GSG1L: variants seen among roughly 807,000 people sequenced by gnomAD.
GSG1L encodes germ cell-specific gene 1-like protein.
A neutral mutation model predicts 42.1 loss-of-function variants in GSG1L; 24 were observed. The observed-to-expected ratio is 0.57, with a 90% CI of 0.41 to 0.80. The LOEUF (loss-of-function observed/expected upper bound fraction) is 0.80, where lower values mean the gene tolerates loss of function less well. GSG1L is among the 30% of genes least tolerant of loss of function. The pLI is 0.00. For synonymous variants in GSG1L, 215 were observed against 203.5 expected (o/e 1.06, Z -0.48); for missense variants, 445 against 472.2 (o/e 0.94, Z 0.53).
chr16:27,919,758 G>A lies in GSG1L; in HGVS notation c.398-35120C>T, dbSNP rs149754055. Among the ~76,000 whole-genome samples, 91 of 152,302 alleles carry A rather than the reference G, an allele frequency of 6.0e-4. 1 individual carries two copies. In the East Asian group the frequency reaches 0.017, roughly 29 times the overall value. On this transcript the variant is annotated intron_variant, in intron 2 of 6. Transcript: ENST00000447459. ...TGGAGAAATTACATTACAGGAGGGGGAGTCGGCTCAACATTACACCCTAGT... is the reference window on the plus strand; with the variant it reads ...TGGAGAAATTACATTACAGGAGGGGAAGTCGGCTCAACATTACACCCTAGT...
intron 3 of GSG1L, among the ~76,000 whole-genome samples, chr16:27,856,251 T>C (rs938627864): frequency 5.3e-5 from 8 of 152,152 alleles, no homozygotes; most frequent in African/African-American, 1.9e-4. Context: ...GCAGGGACAG[T>C]GGGGGACAAA....
intron 1 of GSG1L, among the ~76,000 whole-genome samples, chr16:27,980,754 T>G (rs2085316030): frequency 6.6e-6 from 1 of 151,986 alleles, no homozygotes; most frequent in Non-Finnish European, 1.5e-5. Context: ...CGATGGCACA[T>G]GCCTGTAATT....
intron 1 of GSG1L, among the ~76,000 whole-genome samples, chr16:28,034,251 TCCCATCCCATCCCATC>T (rs2086005567): frequency 9.9e-6 from 1 of 101,478 alleles, no homozygotes; most frequent in East Asian, 3.3e-4. Flanking sequence ...TCCCATCCCA[TCCCATCCCATCCCATC>T]CCATCCCATT....
intron 3 of GSG1L, among the ~76,000 whole-genome samples, chr16:27,878,041 A>T (rs1426519073): frequency 6.6e-6 from 1 of 152,018 alleles, no homozygotes; most frequent in Admixed American, 6.5e-5. Flanking sequence ...GCCAGCGCAT[A>T]GTAGCATCTG....
At chr16:27,827,808 A>G (rs892828240) in intron 5 of GSG1L, among the ~76,000 whole-genome samples, 1 of 151,838 alleles carries the variant, frequency 6.6e-6, no homozygotes, top group Admixed American at 6.6e-5. Context: ...TTACTTATCA[A>G]TCCATTCATC....
intron 1 of GSG1L, among the ~76,000 whole-genome samples, chr16:27,991,585 A>G (rs1295721621): frequency 6.6e-6 from 1 of 151,178 alleles, no homozygotes; most frequent in African/African-American, 2.4e-5. Context: ...TTGTATTTTT[A>G]GTAGACACGA....
chr16:27,928,972 A>AGGGAAAGCAGG (rs2084627399), intron 2 of GSG1L, among the ~76,000 whole-genome samples: 1 of 152,258 alleles, frequency 6.6e-6, no homozygotes, highest in Non-Finnish European at 1.5e-5. Flanking sequence ...CTGGGAAAGC[A>AGGGAAAGCAGG]GTGGTTCTCA....
At chr16:27,815,746 G>A (rs1365144052) in intron 5 of GSG1L, among the ~76,000 whole-genome samples, 2 of 152,090 alleles carry the variant, frequency 1.3e-5, no homozygotes, top group Admixed American at 6.6e-5. Flanking sequence ...GTTATTATAA[G>A]GATTAAACTA....
intron 5 of GSG1L, among the ~76,000 whole-genome samples, chr16:27,812,940 C>A (rs909780298): frequency 3.3e-5 from 5 of 152,060 alleles, no homozygotes; most frequent in African/African-American, 1.2e-4. Flanking sequence ...CCATCACACC[C>A]GGCTACTTTT....
chr16:28,008,962 C>T (rs1022125875), intron 1 of GSG1L, among the ~76,000 whole-genome samples: 1 of 152,168 alleles, frequency 6.6e-6, no homozygotes, highest in African/African-American at 2.4e-5. Context: ...TTACCCGCCA[C>T]CACGCCTGGC....
rs35013275 is a variant in GSG1L, at chr16:27,790,180, G to C, written c.*1190C>G. Reference sequence around the variant, plus strand: ...GATGATGAATGATGGATGGATAATAGATGATGAATGGGTGGATAATAGATG... The same window carrying C: ...GATGATGAATGATGGATGGATAATACATGATGAATGGGTGGATAATAGATG... On this transcript the variant is annotated 3_prime_UTR_variant, in exon 7 of 7. Coordinates refer to ENST00000447459, the MANE Select transcript of GSG1L (RefSeq NM_001109763.2). 1 of 151,948 alleles carries C rather than the reference G, an allele frequency of 6.6e-6. No individual in the cohort carries two copies. Among genetic ancestry groups the C allele is most frequent in the South Asian group, 2.1e-4 (1 of 4,786 alleles). 9.4% of individuals were successfully genotyped at this position (151,948 alleles called of 1,614,324 possible).
intron 1 of GSG1L, among the ~76,000 whole-genome samples, chr16:28,013,373 G>T (rs1596700992): frequency 1.5e-5 from 2 of 137,826 alleles, no homozygotes; most frequent in African/African-American, 5.3e-5. Flanking sequence ...GGAGGTGGGC[G>T]TCAGGAGGAA....
At chr16:27,865,527 A>G (rs1327545916) in intron 3 of GSG1L, among the ~76,000 whole-genome samples, 1 of 6,080 alleles carries the variant, frequency 1.6e-4, no homozygotes, top group African/African-American at 7.3e-4. Flanking sequence ...CTCTTTCTAT[A>G]TATATATATA....
chr16:27,977,215 A>G (rs772301468), intron 1 of GSG1L, among the ~76,000 whole-genome samples: 3 of 152,240 alleles, frequency 2.0e-5, no homozygotes, highest in Non-Finnish European at 2.9e-5. Flanking sequence ...ATGTGGCAGA[A>G]TCAGGATCTG....
At chr16:28,041,165 C>A (rs2086101353) in intron 1 of GSG1L, among the ~76,000 whole-genome samples, 1 of 152,126 alleles carries the variant, frequency 6.6e-6, no homozygotes, top group Non-Finnish European at 1.5e-5. Context: ...GATACTGTAT[C>A]AGAGTCTGGG....
At chr16:27,883,887 G>C (rs1286039829) in intron 3 of GSG1L, among the ~76,000 whole-genome samples, 1 of 152,212 alleles carries the variant, frequency 6.6e-6, no homozygotes, top group Admixed American at 6.5e-5. Flanking sequence ...GCAGTTGACT[G>C]TCCCATTCTT....
rs933414656 is a variant in GSG1L, at chr16:27,898,674, T to C, written c.398-14036A>G. Among the ~76,000 whole-genome samples, 11 of 148,082 alleles carry C rather than the reference T, an allele frequency of 7.4e-5. No individual in the cohort carries two copies. In the South Asian group the frequency reaches 1.5e-3, roughly 20 times the overall value. On this transcript the variant is annotated intron_variant, in intron 2 of 6. Coordinates refer to ENST00000447459, the MANE Select transcript of GSG1L (RefSeq NM_001109763.2). Reference sequence around the variant, plus strand: ...TTTCTGCCTCTCTCTTCCTCCCTCTTTCTCTCTCTCTCTCTCTCTCTCTGT... The same window carrying C: ...TTTCTGCCTCTCTCTTCCTCCCTCTCTCTCTCTCTCTCTCTCTCTCTCTGT...
Position 27,874,441 on chromosome 16 carries a change from C to CTTTTTTTTTTTTT in GSG1L, c.550+10032_550+10044dup, listed in dbSNP as rs71140916. 1.9e-3 allele frequency among the ~76,000 whole-genome samples: 182 copies of CTTTTTTTTTTTTT among 94,426 alleles called. 18 individuals are homozygous for CTTTTTTTTTTTTT. The highest frequency in any genetic ancestry group is 5.0e-3 in the African/African-American group (135 of 26,950). 61.9% of individuals were successfully genotyped at this position (94,426 alleles called of 152,430 possible). A position where few individuals can be genotyped will look rare whatever the true frequency, so the allele number is the denominator to read the frequency against. Reference sequence around the variant, plus strand: ...TCTGGACACTGAAGCACAGGAGAGCCTTTTTTTTTTTTTTTTTTTTTTTTT... The same window carrying CTTTTTTTTTTTTT: ...TCTGGACACTGAAGCACAGGAGAGCCTTTTTTTTTTTTTTTTTTTTTTTTTTTTTTTTTTTTTT... On this transcript the variant is annotated intron_variant, in intron 3 of 6. Transcript: ENST00000447459.
chr16:27,847,041 T>C (rs897926445), intron 3 of GSG1L, among the ~76,000 whole-genome samples: 5 of 152,124 alleles, frequency 3.3e-5, no homozygotes, highest in African/African-American at 1.2e-4. Flanking sequence ...CCACAGCATC[T>C]GTCCTACAAA....
Sources: gnomAD v4.1 joint callset for allele counts (sites outside exome capture counted in the v4.1 genomes callset) on GRCh38, gnomAD v4.1.1 for gene constraint, MANE v1.5 for transcripts, NCBI Gene and HGNC (gene_info 2026-07-23, HGNC 2026-07-21) for gene names.